Variants in PPP6R3 observed in about 807,000 individuals in gnomAD.
PPP6R3 encodes serine/threonine-protein phosphatase 6 regulatory subunit 3.
A neutral mutation model predicts 110.7 loss-of-function variants in PPP6R3; 38 were observed. The ratio of observed to expected loss-of-function variants is 0.34; its 90% CI spans 0.26 to 0.45. The LOEUF is 0.45. PPP6R3 is among the 20% of genes least tolerant of loss of function. PPP6R3 has a pLI of 1.00. For synonymous variants in PPP6R3, 369 were observed against 373.5 expected, an observed-to-expected ratio of 0.99 and a Z score of 0.14; for missense variants, 870 against 1,062.4, an observed-to-expected ratio of 0.82 and a Z score of 2.52.
intron 12 of PPP6R3, among the ~76,000 whole-genome samples, chr11:68,573,146 AT>A (rs1565935320): frequency 4.4e-4 from 37 of 83,672 alleles, no homozygotes; most frequent in East Asian, 6.2e-4. Context: ...ATATATATAT[AT>A]ATATATAATT....
At chr11:68,554,003 C>T (rs1426471271) in intron 6 of PPP6R3, 142 bp from the exon 7 acceptor site, 20 of 615,848 alleles carry the variant, frequency 3.2e-5, no homozygotes, top group Non-Finnish European at 4.2e-5. Context: ...GATGTGATCT[C>T]TCTTGGCCTT....
Position 68,601,961 on chromosome 11 carries a change from A to C in PPP6R3, c.2291A>C (p.Gln764Pro), listed in dbSNP as rs1364059829. ...CCCAGTGCGGCTGCCCTGGCAGTGC[A>C]GCCAGAAGGTGCGTGCAGAGAGGCC... is the stretch of plus-strand genomic sequence containing the variant. ...LTPSAAALAV[Q>P]PEAAGSVAME... The change falls in exon 21 of 24, where the codon CAG becomes CCG. Residue 764 changes from glutamine to proline, a missense_variant. Coordinates refer to ENST00000393800, the MANE Select transcript of PPP6R3 (RefSeq NM_001164161.2). 2 of 1,612,202 alleles carry C rather than the reference A, an allele frequency of 1.2e-6. No homozygotes were observed. Among genetic ancestry groups the C allele is most frequent in the South Asian group, 1.1e-5 (1 of 90,676 alleles).
chr11:68,571,050 A>C lies in PPP6R3; in HGVS notation c.1289A>C (p.Lys430Thr), dbSNP rs2099503374. ...DNLLLKHLFQ[K>T]CQLIERILEA... ...TTTTTTTTTTTTCAGCTTTTCCAAAAATGTCAATTAATAGAACGAATACTT... is the reference window on the plus strand; with the variant it reads ...TTTTTTTTTTTTCAGCTTTTCCAAACATGTCAATTAATAGAACGAATACTT... Residue 430 changes from lysine (K) to threonine (T), a missense_variant, in exon 12 of 24, where the codon AAA (lysine) becomes ACA (threonine). Lys to Thr is a moderately conservative substitution (Grantham distance 78, BLOSUM62 -1). Transcript: ENST00000393800. The C allele has an allele frequency of 6.3e-7, 1 of 1,593,402 alleles. No individual in the cohort carries two copies. The highest frequency in any genetic ancestry group is 1.4e-5 in the African/African-American group (1 of 73,208).
rs551479590 is a variant in PPP6R3, at chr11:68,613,161, C to T, written c.*44C>T. ...GCTGACTGAGGACTGCAGACCGCCA[C>T]CACTCAGGGGCTCTGGAGGGGTCAG... is the stretch of plus-strand genomic sequence containing the variant. On this transcript the variant is annotated 3_prime_UTR_variant, in exon 24 of 24. Coordinates refer to ENST00000393800, the MANE Select transcript of PPP6R3 (RefSeq NM_001164161.2). 34 of 1,612,176 alleles carry T rather than the reference C, an allele frequency of 2.1e-5. No individual in the cohort carries two copies. The South Asian group carries it at 3.5e-4, about 17-fold the overall frequency.
At chr11:68,542,793 G>A (rs1435140607) in intron 3 of PPP6R3, among the ~76,000 whole-genome samples, 1 of 152,170 alleles carries the variant, frequency 6.6e-6, no homozygotes, top group Admixed American at 6.5e-5. Flanking sequence ...CTAACATTAT[G>A]CATGCTTCTT....
chr11:68,546,533 G>T (rs1182006167), intron 4 of PPP6R3, among the ~76,000 whole-genome samples: 2 of 152,208 alleles, frequency 1.3e-5, no homozygotes, highest in African/African-American at 4.8e-5. Flanking sequence ...ATAGCAAGAG[G>T]ATTCAGTGGC....
chr11:68,520,981 A>AG (rs1290965295), intron 2 of PPP6R3, among the ~76,000 whole-genome samples: 2 of 152,168 alleles, frequency 1.3e-5, no homozygotes, highest in African/African-American at 2.4e-5. Flanking sequence ...TATGTCGGCC[A>AG]GGCTGGTCTT....
Position 68,554,238 on chromosome 11 carries a change from C to G in PPP6R3, c.712C>G (p.Leu238Val), listed in dbSNP as rs1387569304. The G allele has an allele frequency of 6.2e-7, 1 of 1,611,704 alleles. No homozygotes were observed. The highest frequency in any genetic ancestry group is 1.1e-5 in the South Asian group (1 of 90,754). ...QIQNSTEPDPLLATLEKQEII... is the reference protein window; with the variant it reads ...QIQNSTEPDPVLATLEKQEII... ...TCAGAACAGTACAGAGCCCGACCCCCTGCTTGCCACTCTAGAAAAGTATGT... is the reference window on the plus strand; with the variant it reads ...TCAGAACAGTACAGAGCCCGACCCCGTGCTTGCCACTCTAGAAAAGTATGT... Residue 238 changes from leucine to valine, a missense_variant, in exon 7 of 24, where the codon CTG becomes GTG. By Grantham distance (32) the Leu-to-Val change is conservative. Transcript: ENST00000393800.
chr11:68,576,837 A>G (rs1375841528), intron 14 of PPP6R3, among the ~76,000 whole-genome samples: 3 of 152,164 alleles, frequency 2.0e-5, no homozygotes, highest in African/African-American at 4.8e-5. Flanking sequence ...ATGCAGTAAC[A>G]CCTTGACTGT....
At chr11:68,568,985 C>T (rs2153773305) in intron 10 of PPP6R3, among the ~76,000 whole-genome samples, 1 of 152,246 alleles carries the variant, frequency 6.6e-6, no homozygotes, top group Non-Finnish European at 1.5e-5. Context: ...TGGTCTTGAT[C>T]TCCTGACCTC....
At chr11:68,575,010 C>T (rs1413419392) in intron 13 of PPP6R3, among the ~76,000 whole-genome samples, 1 of 152,176 alleles carries the variant, frequency 6.6e-6, no homozygotes, top group Non-Finnish European at 1.5e-5. Context: ...GCACTAAAAC[C>T]ACAGTTGTCA....
At chr11:68,591,432 G>T in intron 17 of PPP6R3, 144 bp from the exon 18 acceptor site, 1 of 679,572 alleles carries the variant, frequency 1.5e-6, no homozygotes, top group South Asian at 2.5e-5. Context: ...ACTAATGTTA[G>T]GTGTTTATAT....
At chr11:68,592,496 C>T (rs1223554469) in intron 18 of PPP6R3, among the ~76,000 whole-genome samples, 2 of 152,226 alleles carry the variant, frequency 1.3e-5, no homozygotes, top group African/African-American at 4.8e-5. Context: ...CATCACCTCT[C>T]GCTGCCAGTT....
chr11:68,579,935 G>T (rs1470315131), intron 14 of PPP6R3, among the ~76,000 whole-genome samples: 2 of 152,202 alleles, frequency 1.3e-5, no homozygotes, highest in Non-Finnish European at 2.9e-5. Flanking sequence ...CATGATGACA[G>T]AATTGCCTTT....
At chr11:68,503,846 A>C (rs1344400019) in intron 1 of PPP6R3, among the ~76,000 whole-genome samples, 1 of 152,270 alleles carries the variant, frequency 6.6e-6, no homozygotes, top group Non-Finnish European at 1.5e-5. Context: ...GACAGTTGGC[A>C]GAAAAGTGAA....
In PPP6R3 at chr11:68,569,862, C is replaced by G; in HGVS notation, c.1243C>G (p.Gln415Glu). 1 of 1,611,704 alleles carries G rather than the reference C, an allele frequency of 6.2e-7. No homozygotes were observed. The highest frequency in any genetic ancestry group is 8.5e-7 in the Non-Finnish European group (1 of 1,178,478). The stretch of plus-strand genomic sequence containing the variant: ...CACAGAAAATGCCACAATTACCGAT[C>G]AAGACTCCACTGGTGATAATTTGTT... The part of the protein sequence containing the change: ...ENTENATITD[Q>E]DSTGDNLLLK... The change falls in exon 11 of 24, where the codon CAA becomes GAA. Residue 415 changes from glutamine to glutamate, a missense_variant. Transcript: ENST00000393800.
Position 68,565,674 on chromosome 11 carries a change from G to T in PPP6R3, c.975+1242G>T, listed in dbSNP as rs556170294. 3.3e-5 allele frequency among the ~76,000 whole-genome samples: 5 copies of T among 152,086 alleles called. No individual in the cohort carries two copies. The South Asian group carries it at 1.0e-3, about 32-fold the overall frequency. On this transcript the variant is annotated intron_variant, in intron 9 of 23. Coordinates refer to ENST00000393800, the MANE Select transcript of PPP6R3 (RefSeq NM_001164161.2). The stretch of plus-strand genomic sequence containing the variant: ...CTGGGTGGACAAACAGGTGGCATCT[G>T]GTTCTGGGCCCCGATTCAAAAGTAA...
At chr11:68,550,948 ATT>A (rs2099369622) in intron 5 of PPP6R3, 171 bp from the exon 6 acceptor site, 1 of 555,270 alleles carries the variant, frequency 1.8e-6, no homozygotes, top group Admixed American at 3.4e-5. Flanking sequence ...AAAACAATAT[ATT>A]CACTGGCATT....
intron 9 of PPP6R3, among the ~76,000 whole-genome samples, chr11:68,565,174 T>TA (rs2099456552): frequency 6.6e-6 from 1 of 152,142 alleles, no homozygotes; most frequent in Non-Finnish European, 1.5e-5. Context: ...TTTAGAATAC[T>TA]AGTTTCTCAC....
Sources: gnomAD v4.1 joint callset for allele counts (sites outside exome capture counted in the v4.1 genomes callset) on GRCh38, gnomAD v4.1.1 for gene constraint, MANE v1.5 for transcripts, NCBI Gene and HGNC (gene_info 2026-07-23, HGNC 2026-07-21) for gene names.